Variants in DYNAP observed in about 807,000 individuals in gnomAD.
DYNAP encodes dynactin-associated protein.
Under a neutral mutation model 8.5 loss-of-function variants are expected in DYNAP, and 7 were observed. The ratio of observed to expected loss-of-function variants is 0.82; its 90% confidence interval spans 0.47 to 1.54. DYNAP has a LOEUF of 1.54. Among genes scored for constraint, DYNAP ranks in the 40% most tolerant of loss-of-function variants. The probability of loss-of-function intolerance (pLI) is 0.01; values close to 1 mark genes in which losing one functional copy is unlikely to be tolerated. For synonymous variants in DYNAP, 77 were observed against 77.9 expected (o/e 0.99, Z 0.06); for missense variants, 256 against 224.3 (o/e 1.14, Z -0.90).
chr18:54,582,581 T>C, the DYNAP span, among the ~76,000 whole-genome samples: 1 of 152,202 alleles, frequency 6.6e-6, no homozygotes, highest in Non-Finnish European at 1.5e-5. Flanking sequence ...AATCAGTCTA[T>C]TAATCATCTA....
At chr18:54,585,194 T>C (rs369436492), upstream of DYNAP, among the ~76,000 whole-genome samples, 38 of 152,246 alleles carry the variant, frequency 2.5e-4, no homozygotes, top group African/African-American at 8.4e-4. Context: ...GTGACTAGAT[T>C]GTATTAAAAT....
chr18:54,578,972 TG>T, the DYNAP span, among the ~76,000 whole-genome samples: 1 of 152,050 alleles, frequency 6.6e-6, no homozygotes, highest in Non-Finnish European at 1.5e-5. Context: ...GCTAATTTTT[TG>T]TATTTTTAGT....
rs1677846550 is a variant in DYNAP, at chr18:54,595,119, G to A, written c.222+16G>A. ...TAACACACAGGTAATGTGTAGCACG[G>A]GAGCTTTTATTCAAGTTGGGATGTG... On this transcript the variant is annotated intron_variant, in intron 2 of 2. Transcript: ENST00000648945. 1 of 1,600,376 alleles carries A rather than the reference G, an allele frequency of 6.2e-7. No homozygotes were observed. Among genetic ancestry groups the A allele is most frequent in the Non-Finnish European group, 8.5e-7 (1 of 1,172,968 alleles).
the DYNAP span, among the ~76,000 whole-genome samples, chr18:54,577,415 T>G: frequency 3.3e-5 from 5 of 151,660 alleles, no homozygotes; most frequent in African/African-American, 1.2e-4. Flanking sequence ...AGTGAGACAC[T>G]GTCTCTAAAA....
chr18:54,595,139 G>A (rs767600936), intron 2 of DYNAP, 36 bp downstream of exon 2: 1 of 1,589,644 alleles, frequency 6.3e-7, no homozygotes, highest in Non-Finnish European at 8.6e-7. Context: ...TTCAAGTTGG[G>A]ATGTGCTCTA....
At position 54,598,070 on chromosome 18, in the gene DYNAP, A is replaced by C. The variant is rs766927682; in HGVS notation, c.480A>C (p.Glu160Asp). 6.2e-7 allele frequency: 1 copy of C among 1,613,116 alleles called. No homozygotes were observed. The highest frequency in any genetic ancestry group is 8.5e-7 in the Non-Finnish European group (1 of 1,179,512). The stretch of plus-strand genomic sequence containing the variant: ...CTGTACCTGCAAGTACAGCCACTGA[A>C]TCTACAACTTCAACAGCTACAGCTG... ...TSTVPASTAT[E>D]STTSTATAAT... is the part of the protein sequence containing the mutation. Residue 160 changes from glutamate (E) to aspartate (D), a missense_variant, in exon 3 of 3, where the codon GAA becomes GAC. Physicochemically the swap from Glu to Asp is conservative, Grantham distance 45. Coordinates refer to ENST00000648945, the MANE Select transcript of DYNAP (RefSeq NM_173629.3).
rs72939106 is a variant in DYNAP at position 54,595,117 on chromosome 18, C to T, written c.222+14C>T. On this transcript the variant is annotated intron_variant, in intron 2 of 2. Coordinates refer to ENST00000648945, the MANE Select transcript of DYNAP (RefSeq NM_173629.3). ...TGTAACACACAGGTAATGTGTAGCA[C>T]GGGAGCTTTTATTCAAGTTGGGATG... 7.5e-5 allele frequency: 120 copies of T among 1,601,648 alleles called. 1 individual carries two copies. The highest frequency in any genetic ancestry group is 6.7e-4 in the South Asian group (60 of 89,010).
At position 54,594,978 on chromosome 18, in the gene DYNAP, A is replaced by G; in HGVS notation, c.97A>G (p.Ile33Val). ...HPNDQEAHSS[I>V]CWCLPSNDIT... ...AAATGACCAAGAGGCTCACAGTTCC[A>G]TATGCTGGTGTCTACCTTCAAATGA... The change falls in exon 2 of 3, where the codon ATA (isoleucine) becomes GTA (valine). Residue 33 changes from isoleucine to valine, a missense_variant. Coordinates refer to ENST00000648945, the MANE Select transcript of DYNAP (RefSeq NM_173629.3). 6.2e-7 allele frequency: 1 copy of G among 1,612,614 alleles called. No individual in the cohort carries two copies. The highest frequency in any genetic ancestry group is 2.2e-5 in the East Asian group (1 of 44,832).
intron 2 of DYNAP, among the ~76,000 whole-genome samples, chr18:54,597,134 A>G (rs1911326590): frequency 6.6e-6 from 1 of 152,118 alleles, no homozygotes; most frequent in South Asian, 2.1e-4. Flanking sequence ...TACTGCATCC[A>G]AAACAAAAAT....
At chr18:54,587,515 G>A (rs758309215), upstream of DYNAP, among the ~76,000 whole-genome samples, 3 of 151,958 alleles carry the variant, frequency 2.0e-5, no homozygotes, top group Non-Finnish European at 4.4e-5. Flanking sequence ...TACACAACAC[G>A]TGTTAGTAGC....
At position 54,595,064 on chromosome 18, in the gene DYNAP, A is replaced by C; in HGVS notation, c.183A>C (p.Ala61=). ...TGVCVNPGIL[A]HSRCLQSESC... The stretch of plus-strand genomic sequence containing the variant: ...TCTGCGTGAACCCAGGAATCCTTGC[A>C]CATTCAAGATGTCTACAGTCAGAAT... Residue 61 remains alanine, a synonymous_variant, in exon 2 of 3, where the codon GCA becomes GCC. Coordinates refer to ENST00000648945, the MANE Select transcript of DYNAP (RefSeq NM_173629.3). 1.2e-6 allele frequency: 2 copies of C among 1,612,564 alleles called. No homozygotes were observed. The highest frequency in any genetic ancestry group is 1.7e-6 in the Non-Finnish European group (2 of 1,179,018).
intron 2 of DYNAP, 79 bp downstream of exon 2, chr18:54,595,182 G>T (rs898005744): frequency 2.2e-6 from 3 of 1,394,936 alleles, no homozygotes; most frequent in Non-Finnish European, 2.8e-6. Context: ...TCTTTCCCAA[G>T]AAATGTACTT....
At chr18:54,591,161 A>G (rs1275076358), upstream of DYNAP, 1 of 1,585,922 alleles carries the variant, frequency 6.3e-7, no homozygotes, top group Non-Finnish European at 8.6e-7. Flanking sequence ...CCACACTTGT[A>G]CTGATGCATC....
At chr18:54,596,236 C>T (rs1204765620) in intron 2 of DYNAP, among the ~76,000 whole-genome samples, 1 of 151,864 alleles carries the variant, frequency 6.6e-6, no homozygotes, top group African/African-American at 2.4e-5. Flanking sequence ...CCATGCCTGG[C>T]TAATTTTTTA....
intron 1 of DYNAP, among the ~76,000 whole-genome samples, chr18:54,594,144 G>A (rs1911191457): frequency 6.6e-6 from 1 of 151,788 alleles, no homozygotes; most frequent in Admixed American, 6.6e-5. Context: ...TTGTTAATTA[G>A]ACACTAACCT....
intron 1 of DYNAP, 142 bp downstream of exon 1, chr18:54,591,481 T>A: frequency 2.2e-6 from 2 of 928,172 alleles, no homozygotes; most frequent in Admixed American, 3.0e-5. Context: ...CAACCCTGTA[T>A]CAATTTTTGT....
chr18:54,575,889 C>T, the DYNAP span, among the ~76,000 whole-genome samples: 1 of 152,140 alleles, frequency 6.6e-6, no homozygotes, highest in Non-Finnish European at 1.5e-5. Flanking sequence ...TCAACAATTT[C>T]CTCATGTCTC....
Position 54,599,035 on chromosome 18 carries a change from C to CT in DYNAP, c.*893dup, listed in dbSNP as rs1038744581. ...TTTACCTATAGCCTGGAAGCCCCAA[C>CT]TTTGAGTTGTCCTGCCTTTCTGAAC... On this transcript the variant is annotated 3_prime_UTR_variant, in exon 3 of 3. Transcript: ENST00000648945. 6 of 152,144 alleles carry CT rather than the reference C, an allele frequency of 3.9e-5. No individual in the cohort carries two copies. Among genetic ancestry groups the CT allele is most frequent in the African/African-American group, 1.4e-4 (6 of 41,434 alleles). 9.4% of individuals were successfully genotyped at this position (152,144 alleles called of 1,614,324 possible).
chr18:54,581,906 A>T, the DYNAP span, among the ~76,000 whole-genome samples: 3 of 152,250 alleles, frequency 2.0e-5, no homozygotes, highest in Non-Finnish European at 4.4e-5. Flanking sequence ...CAGCAATTTT[A>T]ATAAAAGATT....
Sources: gnomAD v4.1 joint callset for allele counts (sites outside exome capture counted in the v4.1 genomes callset) on GRCh38, gnomAD v4.1.1 for gene constraint, MANE v1.5 for transcripts, NCBI Gene and HGNC (gene_info 2026-07-23, HGNC 2026-07-21) for gene names.